The following NPTN variants were observed in gnomAD, a reference collection of about 807,000 sequenced individuals.
The protein encoded by NPTN is SDR-1.
NPTN carries 5 observed loss-of-function variants against 42.7 expected under a neutral mutation model. The observed-to-expected ratio is 0.12, with a 90% CI of 0.06 to 0.25. The LOEUF is 0.25. Ranked by LOEUF, NPTN falls within the 10% of genes least tolerant of loss-of-function variation. The probability of loss-of-function intolerance (pLI) is 1.00; values close to 1 mark genes in which losing one functional copy is unlikely to be tolerated. For synonymous variants in NPTN, 180 were observed against 201.9 expected (o/e 0.89, Z 0.92); for missense variants, 307 against 525.4 (o/e 0.58, Z 4.06).
chr15:73,570,196 G>A lies in NPTN; in HGVS notation c.1068C>T (p.Ile356=), dbSNP rs1895287737. 2 of 1,613,914 alleles carry A rather than the reference G, an allele frequency of 1.2e-6. No individual in the cohort carries two copies. The highest frequency in any genetic ancestry group is 1.7e-6 in the Non-Finnish European group (2 of 1,179,962). ...ILAEIIILVV[I]IVVYEKRKRP... is the part of the protein sequence containing the mutation. ...TCTTCCTCTTCTCATACACAACAAT[G>A]ATCACCACAAGGATGATAATTTCAG... is the stretch of plus-strand genomic sequence containing the variant. Residue 356 remains isoleucine (I), a synonymous_variant, in exon 6 of 9, where the codon ATC becomes ATT. Transcript: ENST00000345330. This position sits in a 1 kb window ranked among gnomAD's most constrained non-coding sequence, Gnocchi z 4.0.
intron 4 of NPTN, among the ~76,000 whole-genome samples, chr15:73,580,517 ATATAGT>A (rs1296136666): frequency 1.9e-5 from 2 of 106,764 alleles, no homozygotes; most frequent in Non-Finnish European, 3.5e-5. Flanking sequence ...ATTATATATA[ATATAGT>A]TATATATGTA....
intron 5 of NPTN, among the ~76,000 whole-genome samples, chr15:73,572,639 G>A (rs536672488): frequency 6.6e-6 from 1 of 152,164 alleles, no homozygotes; most frequent in South Asian, 2.1e-4. Context: ...TTCCTTATCA[G>A]TATGTTCTGT....
At chr15:73,625,901 A>T (rs188885003) in intron 1 of NPTN, among the ~76,000 whole-genome samples, 2 of 152,324 alleles carry the variant, frequency 1.3e-5, no homozygotes, top group African/African-American at 4.8e-5. Context: ...AAAGAAATGG[A>T]CCTAACAGAT....
In NPTN at chr15:73,580,158, C is replaced by T. The variant is rs138343937; in HGVS notation, c.707-6363G>A. The stretch of plus-strand genomic sequence containing the variant: ...GGGTTGTGTGAATCCAGAGACTATG[C>T]TTTTTGTACTTTAACATACTGAGGG... On this transcript the variant is annotated intron_variant, in intron 4 of 8. Coordinates refer to ENST00000345330, the MANE Select transcript of NPTN (RefSeq NM_012428.4). Among the ~76,000 whole-genome samples, 1,468 of 151,646 alleles carry T rather than the reference C, an allele frequency of 9.7e-3. 24 individuals are homozygous for T. Among genetic ancestry groups the T allele is most frequent in the African/African-American group, 0.034 (1,395 of 41,290 alleles).
Position 73,633,263 on chromosome 15 carries a change from G to T in NPTN, c.-48C>A, listed in dbSNP as rs1898868215. 7.3e-7 allele frequency: 1 copy of T among 1,373,038 alleles called. No individual in the cohort carries two copies. The allele number at this position is 1,373,038 out of a possible 1,614,324, so 85.1% of individuals were successfully genotyped here. On this transcript the variant is annotated 5_prime_UTR_variant, in exon 1 of 9. Coordinates refer to ENST00000345330, the MANE Select transcript of NPTN (RefSeq NM_012428.4). ...AGCGAATGGGCCGGGGCCAGAGCCG[G>T]GGCCGGGGAAGGGAGGGGAGGGAGG...
chr15:73,570,085 G>T lies in NPTN; in HGVS notation c.1114+65C>A. ...CCAACATCCCTATAGTCCTCTTTGG[G>T]TACTTGGAAACCACCCGAAGGAACC... On this transcript the variant is annotated intron_variant, in intron 6 of 8. Coordinates refer to ENST00000345330, the MANE Select transcript of NPTN (RefSeq NM_012428.4). The surrounding 1 kb of genome is among the most constrained non-coding windows in gnomAD (Gnocchi z 4.0). 1 of 1,496,732 alleles carries T rather than the reference G, an allele frequency of 6.7e-7. No individual in the cohort carries two copies. Among genetic ancestry groups the T allele is most frequent in the Non-Finnish European group, 9.0e-7 (1 of 1,112,548 alleles). 92.7% of individuals were successfully genotyped at this position (1,496,732 alleles called of 1,614,324 possible).
At chr15:73,606,346 G>A (rs1321322703) in intron 1 of NPTN, among the ~76,000 whole-genome samples, 1 of 152,160 alleles carries the variant, frequency 6.6e-6, no homozygotes, top group African/African-American at 2.4e-5. Context: ...CTATTGTCAA[G>A]CTAGTATTTT....
chr15:73,565,023 T>A (rs1178614578), intron 6 of NPTN, among the ~76,000 whole-genome samples: 1 of 152,052 alleles, frequency 6.6e-6, no homozygotes, highest in African/African-American at 2.4e-5. Flanking sequence ...CCTTTTGGAG[T>A]GTGGGTATTC....
intron 2 of NPTN, among the ~76,000 whole-genome samples, chr15:73,596,739 G>C (rs1173209129): frequency 6.6e-6 from 1 of 152,132 alleles, no homozygotes; most frequent in Non-Finnish European, 1.5e-5. Context: ...GATGATTTTG[G>C]ACAGTCACGG....
intron 1 of NPTN, among the ~76,000 whole-genome samples, chr15:73,623,972 C>G (rs1898268577): frequency 6.6e-6 from 1 of 152,198 alleles, no homozygotes. Context: ...CTCTTTGATA[C>G]AGCCCATCCA....
At position 73,609,798 on chromosome 15, in the gene NPTN, T is replaced by C. The variant is rs80299310; in HGVS notation, c.92-12429A>G. ...TATGACACATAATAAGTATATATAT[T>C]TATGGGATACATAGTGAAGTTTCAA... On this transcript the variant is annotated intron_variant, in intron 1 of 8. Transcript: ENST00000345330. Among the ~76,000 whole-genome samples the C allele has an allele frequency of 8.0e-3, 1,224 of 152,168 alleles. 25 individuals are homozygous for C. Among genetic ancestry groups the C allele is most frequent in the African/African-American group, 0.028 (1,171 of 41,460 alleles).
chr15:73,601,482 G>C (rs1897082700), intron 1 of NPTN, among the ~76,000 whole-genome samples: 1 of 152,116 alleles, frequency 6.6e-6, no homozygotes, highest in Non-Finnish European at 1.5e-5. Context: ...CTGGCTCTCA[G>C]CAGCAGCAGC....
chr15:73,566,908 A>AGACC, intron 6 of NPTN: 1 of 515,078 alleles, frequency 1.9e-6, no homozygotes, highest in Non-Finnish European at 2.5e-6. Context: ...ATCCTCAAAG[A>AGACC]GACCATACAG....
At chr15:73,623,804 A>G (rs2141474583) in intron 1 of NPTN, among the ~76,000 whole-genome samples, 1 of 152,348 alleles carries the variant, frequency 6.6e-6, no homozygotes, top group South Asian at 2.1e-4. Flanking sequence ...TATGTAAGAA[A>G]GAGATCATTT....
At chr15:73,613,079 G>A (rs1012217558) in intron 1 of NPTN, among the ~76,000 whole-genome samples, 1 of 152,214 alleles carries the variant, frequency 6.6e-6, no homozygotes, top group African/African-American at 2.4e-5. Context: ...CCTGGAGGAT[G>A]TATTATGTAA....
chr15:73,619,229 A>C (rs1226895148), intron 1 of NPTN, among the ~76,000 whole-genome samples: 2 of 152,188 alleles, frequency 1.3e-5, no homozygotes, highest in Non-Finnish European at 2.9e-5. Context: ...TTAACTATTT[A>C]GATCATTGTC....
intron 1 of NPTN, among the ~76,000 whole-genome samples, chr15:73,608,549 C>A (rs1364236925): frequency 6.6e-6 from 1 of 152,132 alleles, no homozygotes; most frequent in East Asian, 1.9e-4. Flanking sequence ...CTATTAAGTG[C>A]TCATGCTATT....
chr15:73,610,468 A>G (rs1169979718), intron 1 of NPTN, among the ~76,000 whole-genome samples: 2 of 152,174 alleles, frequency 1.3e-5, no homozygotes, highest in Non-Finnish European at 2.9e-5. Context: ...TGTTTAAATT[A>G]CCATTCCTGG....
chr15:73,586,247 C>T (rs1160712967), intron 4 of NPTN, among the ~76,000 whole-genome samples: 1 of 152,210 alleles, frequency 6.6e-6, no homozygotes, highest in Non-Finnish European at 1.5e-5. Flanking sequence ...TTTGGCTCAC[C>T]TAGGCTGGGG....
Sources: allele counts gnomAD v4.1 joint callset (sites outside exome capture counted in the v4.1 genomes callset), GRCh38; gene constraint gnomAD v4.1.1; non-coding constraint Gnocchi (gnomAD v3.1); transcripts MANE v1.5; gene names NCBI Gene and HGNC (gene_info 2026-07-23, HGNC 2026-07-21).